The following SEM1 variants were observed in gnomAD, a reference collection of about 807,000 sequenced individuals.
The protein encoded by SEM1 is SEM1 26S proteasome subunit, also known as 26S proteasome complex subunit SEM1.
SEM1 carries 3 observed loss-of-function variants against 12.7 expected under a neutral mutation model. The ratio of observed to expected loss-of-function variants is 0.24; its 90% CI spans 0.11 to 0.61. The LOEUF (loss-of-function observed/expected upper bound fraction) is 0.61. Ranked by LOEUF, SEM1 falls within the 20% of genes least tolerant of loss-of-function variation. The pLI, the probability that SEM1 is intolerant of heterozygous loss-of-function variation, is 0.88. For missense variants in SEM1, 59 were observed against 81.3 expected (o/e 0.73, Z 1.06); for synonymous variants, 30 against 27.8 (o/e 1.08, Z -0.25).
intron 2 of SEM1, among the ~76,000 whole-genome samples, chr7:96,519,873 G>A (rs1051553997): frequency 9.2e-5 from 14 of 152,166 alleles, no homozygotes; most frequent in African/African-American, 2.4e-4. Context: ...ATTTGGTGAC[G>A]GAGTGAGAAG....
intron 2 of SEM1, among the ~76,000 whole-genome samples, chr7:96,603,381 C>T (rs1807249538): frequency 6.6e-6 from 1 of 152,142 alleles, no homozygotes; most frequent in South Asian, 2.1e-4. Context: ...TGATCGTTCT[C>T]AAGATTGACT....
rs1408093549 is a variant in SEM1, at chr7:96,513,825, T to C, written c.171-7127A>G. ...GCCTGGGCAGCAGAGCAAGACTCTG[T>C]CTCAAAAATAAAAAAATTCGTTATA... is the stretch of plus-strand genomic sequence containing the variant. On this transcript the variant is annotated intron_variant and NMD_transcript_variant, in intron 2 of 3. Transcript: ENST00000466986. Among the ~76,000 whole-genome samples the C allele has an allele frequency of 4.6e-5, 7 of 152,006 alleles. No homozygotes were observed. The East Asian group carries it at 1.4e-3, about 29-fold the overall frequency.
Position 96,525,406 on chromosome 7 carries a change from AC to A in SEM1, c.171-18709del, listed in dbSNP as rs1458097572. On this transcript the variant is annotated intron_variant and NMD_transcript_variant, in intron 2 of 3. Coordinates refer to the SEM1 transcript ENST00000466986. ...CATTTGCGAGTGCACGTGCAGATTC[AC>A]AAAAACTAATAAAAGTGGTTACTTC... is the stretch of plus-strand genomic sequence containing the variant. Among the ~76,000 whole-genome samples the A allele has an allele frequency of 7.2e-5, 11 of 152,178 alleles. No homozygotes were observed. The South Asian group carries it at 2.3e-3, about 32-fold the overall frequency.
chr7:96,623,983 T>G (rs150953997), intron 2 of SEM1, among the ~76,000 whole-genome samples: 70 of 152,268 alleles, frequency 4.6e-4, no homozygotes, highest in Non-Finnish European at 5.9e-5. Flanking sequence ...TGCTTATCCT[T>G]GGATTTAGGG....
chr7:96,566,550 C>T (rs1805847995), intron 2 of SEM1, among the ~76,000 whole-genome samples: 1 of 151,376 alleles, frequency 6.6e-6, no homozygotes, highest in Non-Finnish European at 1.5e-5. Flanking sequence ...AAAGATAGCC[C>T]TTTATTATAT....
intron 1 of SEM1, chr7:96,496,274 C>T (rs1194819761): frequency 1.3e-5 from 20 of 1,499,984 alleles, no homozygotes; most frequent in Non-Finnish European, 1.8e-5. Context: ...TAATCCATAT[C>T]AGTTCCTACC....
At chr7:96,701,068 GT>G (rs1251480723) in intron 1 of SEM1, among the ~76,000 whole-genome samples, 1 of 151,832 alleles carries the variant, frequency 6.6e-6, no homozygotes, top group African/African-American at 2.4e-5. Flanking sequence ...CTAAATACAT[GT>G]CAGACACAGC....
chr7:96,511,608 T>G (rs1235249761), intron 2 of SEM1, among the ~76,000 whole-genome samples: 1 of 152,030 alleles, frequency 6.6e-6, no homozygotes, highest in Non-Finnish European at 1.5e-5. Flanking sequence ...ATATAGAATG[T>G]CATATTGAAG....
intron 2 of SEM1, among the ~76,000 whole-genome samples, chr7:96,594,639 G>A (rs1041999160): frequency 3.3e-5 from 5 of 152,006 alleles, no homozygotes; most frequent in Non-Finnish European, 7.4e-5. Context: ...TTGTTAATTG[G>A]CAAAATTATT....
intron 2 of SEM1, among the ~76,000 whole-genome samples, chr7:96,608,323 A>C (rs1224719536): frequency 3.3e-5 from 5 of 152,082 alleles, no homozygotes; most frequent in Admixed American, 6.5e-5. Context: ...TTGGAACCCT[A>C]CTTCCGAGCA....
chr7:96,622,716 C>A (rs1356319789), intron 2 of SEM1: 4 of 730,660 alleles, frequency 5.5e-6, no homozygotes, highest in African/African-American at 3.4e-5. Flanking sequence ...GTTTGACCAT[C>A]TGATCAGTGG....
chr7:96,522,891 CAAAAAAAAAA>C (rs540895823), intron 2 of SEM1, among the ~76,000 whole-genome samples: 1 of 87,686 alleles, frequency 1.1e-5, no homozygotes, highest in Non-Finnish European at 2.1e-5. Flanking sequence ...AACTCCATCT[CAAAAAAAAAA>C]AAAAAAAAAA....
intron 2 of SEM1, among the ~76,000 whole-genome samples, chr7:96,594,621 A>C (rs944900759): frequency 2.0e-5 from 3 of 152,286 alleles, no homozygotes; most frequent in African/African-American, 7.2e-5. Context: ...CCAAATATTA[A>C]GTGTTTTTTG....
chr7:96,633,388 G>A (rs1047252576), intron 2 of SEM1, among the ~76,000 whole-genome samples: 3 of 151,872 alleles, frequency 2.0e-5, no homozygotes, highest in African/African-American at 4.8e-5. Context: ...CATTAAACAC[G>A]GGGTTGGATT....
chr7:96,507,066 T>A (rs1286864461), intron 2 of SEM1, among the ~76,000 whole-genome samples: 1 of 151,842 alleles, frequency 6.6e-6, no homozygotes, highest in Non-Finnish European at 1.5e-5. Context: ...TTAAAAAAAA[T>A]TAGAGGAAAA....
exon 4 of SEM1, chr7:96,482,767 A>G (rs2117186642): frequency 6.6e-6 from 1 of 152,370 alleles, no homozygotes; most frequent in Middle Eastern, 3.4e-3. Flanking sequence ...GAAGCATTCA[A>G]AACAATTAAA....
rs761195370 is a variant in SEM1, at chr7:96,596,800, A to G, written c.171-90102T>C. On this transcript the variant is annotated intron_variant and NMD_transcript_variant, in intron 2 of 3. Transcript: ENST00000466986. The stretch of plus-strand genomic sequence containing the variant: ...TTGTCTTTGTCAAAACAAAGACTGT[A>G]TAACAAAGGCAACATTTTTTAGCCA... 3.3e-5 allele frequency among the ~76,000 whole-genome samples: 5 copies of G among 152,226 alleles called. No homozygotes were observed. The East Asian group carries it at 7.7e-4, about 23-fold the overall frequency.
chr7:96,516,473 A>G (rs371696783), intron 2 of SEM1, among the ~76,000 whole-genome samples: 66 of 152,324 alleles, frequency 4.3e-4, no homozygotes, highest in African/African-American at 1.5e-3. Flanking sequence ...AGATAAGCAT[A>G]TGAACAGATT....
At chr7:96,657,423 ACT>A (rs2116493976) in intron 2 of SEM1, among the ~76,000 whole-genome samples, 1 of 152,308 alleles carries the variant, frequency 6.6e-6, no homozygotes, top group South Asian at 2.1e-4. Flanking sequence ...ACTTGATATC[ACT>A]CTTTCAGATT....
Sources: gnomAD v4.1 joint callset for allele counts (sites outside exome capture counted in the v4.1 genomes callset) on GRCh38, gnomAD v4.1.1 for gene constraint, MANE v1.5 for transcripts, NCBI Gene and HGNC (gene_info 2026-07-23, HGNC 2026-07-21) for gene names.